ZNF503: variants seen among roughly 807,000 people sequenced by gnomAD.
ZNF503 encodes zinc finger protein 503.
ZNF503 carries 15 observed loss-of-function variants against 34.4 expected under a neutral mutation model. That is an observed-to-expected ratio of 0.44 (90% CI 0.29 to 0.67). ZNF503 has a LOEUF of 0.67. ZNF503 is among the 30% of genes least tolerant of loss of function. ZNF503 has a pLI of 0.13. For missense variants in ZNF503, 1,007 were observed against 926.8 expected (o/e 1.09, Z -1.12); for synonymous variants, 580 against 456.8 (o/e 1.27, Z -3.44).
the ZNF503 span, among the ~76,000 whole-genome samples, chr10:75,378,343 G>A: frequency 6.6e-6 from 1 of 152,100 alleles, no homozygotes; most frequent in Non-Finnish European, 1.5e-5. Context: ...CCATCAGAAG[G>A]ATGGCTGGGC....
At chr10:75,313,132 T>A in the ZNF503 span, among the ~76,000 whole-genome samples, 3 of 152,172 alleles carry the variant, frequency 2.0e-5, no homozygotes, top group Non-Finnish European at 4.4e-5. Context: ...ATTCGCAGCA[T>A]GAGAACAGAC....
the ZNF503 span, among the ~76,000 whole-genome samples, chr10:75,288,929 G>A: frequency 6.6e-6 from 1 of 152,284 alleles, no homozygotes; most frequent in Admixed American, 6.5e-5. Context: ...CTTGGTTGAG[G>A]GGGGCTGATC....
At chr10:75,339,870 G>A in the ZNF503 span, among the ~76,000 whole-genome samples, 1 of 151,864 alleles carries the variant, frequency 6.6e-6, no homozygotes, top group Non-Finnish European at 1.5e-5. Context: ...TGTTTTTCTG[G>A]GCCACCTCTC....
chr10:75,380,600 G>A, the ZNF503 span, among the ~76,000 whole-genome samples: 3 of 152,320 alleles, frequency 2.0e-5, no homozygotes, highest in South Asian at 6.2e-4. Context: ...CTGAGGCCAG[G>A]TCTTGAGTGG....
the ZNF503 span, among the ~76,000 whole-genome samples, chr10:75,284,684 G>A: frequency 6.6e-6 from 1 of 152,104 alleles, no homozygotes; most frequent in African/African-American, 2.4e-5. Context: ...CAAGCTGATG[G>A]TCTCACCACC....
chr10:75,301,170 G>T, the ZNF503 span, among the ~76,000 whole-genome samples: 1 of 152,086 alleles, frequency 6.6e-6, no homozygotes, highest in East Asian at 1.9e-4. Flanking sequence ...GACAATCTCT[G>T]CCTTTTGAAT....
the ZNF503 span, among the ~76,000 whole-genome samples, chr10:75,357,140 A>ATGGT: frequency 2.0e-5 from 3 of 151,932 alleles, no homozygotes; most frequent in African/African-American, 7.3e-5. Flanking sequence ...GCACAGGAGC[A>ATGGT]TGGTTTGTAT....
At chr10:75,305,304 T>G in the ZNF503 span, among the ~76,000 whole-genome samples, 1 of 152,098 alleles carries the variant, frequency 6.6e-6, no homozygotes, top group African/African-American at 2.4e-5. Flanking sequence ...CCAAGTTGTA[T>G]GGAATAAGAA....
At chr10:75,307,641 C>G in the ZNF503 span, among the ~76,000 whole-genome samples, 1 of 152,222 alleles carries the variant, frequency 6.6e-6, no homozygotes, top group African/African-American at 2.4e-5. Flanking sequence ...TCATTTAGGA[C>G]TTTCATAGAT....
At chr10:75,394,774 G>A (rs1843678542), downstream of ZNF503, among the ~76,000 whole-genome samples, 1 of 152,226 alleles carries the variant, frequency 6.6e-6, no homozygotes, top group Non-Finnish European at 1.5e-5. Flanking sequence ...GAGTGCGTGT[G>A]TTGACAGGCA....
the ZNF503 span, among the ~76,000 whole-genome samples, chr10:75,370,831 A>C: frequency 2.1e-5 from 3 of 145,288 alleles, no homozygotes; most frequent in Admixed American, 2.1e-4. Flanking sequence ...CCATTGTTTT[A>C]CAGTGAGATA....
At chr10:75,286,669 T>C in the ZNF503 span, among the ~76,000 whole-genome samples, 27 of 152,338 alleles carry the variant, frequency 1.8e-4, no homozygotes, top group South Asian at 5.4e-3. Flanking sequence ...GGGAAGAGAC[T>C]TGGTGCATGA....
chr10:75,364,318 C>T, the ZNF503 span, among the ~76,000 whole-genome samples: 5 of 152,322 alleles, frequency 3.3e-5, no homozygotes, highest in East Asian at 9.6e-4. Flanking sequence ...CACACTCCCA[C>T]CCAAAGCCTG....
the ZNF503 span, among the ~76,000 whole-genome samples, chr10:75,318,777 T>C: frequency 1.1e-4 from 16 of 149,762 alleles, no homozygotes; most frequent in African/African-American, 1.7e-4. Context: ...CTGAAGAAAA[T>C]TGGAACATTG....
the ZNF503 span, among the ~76,000 whole-genome samples, chr10:75,304,593 T>C: frequency 6.6e-6 from 1 of 152,222 alleles, no homozygotes; most frequent in African/African-American, 2.4e-5. Context: ...CTAAACCTGC[T>C]TATGTCAATT....
At position 75,399,297 on chromosome 10, in the gene ZNF503, C is replaced by T. The variant is rs1239892601; in HGVS notation, c.1393G>A (p.Gly465Arg). The change falls in exon 2 of 2, where the codon GGA (glycine) becomes AGA (arginine). Residue 465 changes from glycine (G) to arginine (R), a missense_variant. Coordinates refer to ENST00000372524, the MANE Select transcript of ZNF503 (RefSeq NM_032772.6). ...TGCGTGGGGTACACCAGCGGGTATC[C>T]GGACTTCAGCGCCGCAGCCGCAGCA... ...PAAAAAALKS[G>R]YPLVYPTHPL... The T allele has an allele frequency of 1.2e-6, 2 of 1,600,962 alleles. No homozygotes were observed. The highest frequency in any genetic ancestry group is 1.7e-6 in the Non-Finnish European group (2 of 1,175,252).
At chr10:75,334,789 G>A in the ZNF503 span, among the ~76,000 whole-genome samples, 1 of 152,226 alleles carries the variant, frequency 6.6e-6, no homozygotes. Flanking sequence ...CCAGGAGACT[G>A]CTGAAATCTC....
At position 75,401,354 on chromosome 10, in the gene ZNF503, T is replaced by TCCGCCTCCGCCTCCG. The variant is rs1554886735; in HGVS notation, c.65_66insCGGAGGCGGAGGCGG (p.Gly23_Gly27dup). On this transcript the variant is annotated inframe_insertion, in exon 1 of 2. Transcript: ENST00000372524. ...CAGGGTCTGCACCGCCGCCTCCGCC[T>TCCGCCTCCGCCTCCG]CCGCCGCCGCCGCCGCCGCTGTGCT... 1.6e-5 allele frequency: 25 copies of TCCGCCTCCGCCTCCG among 1,516,744 alleles called. No individual in the cohort carries two copies. The highest frequency in any genetic ancestry group is 2.1e-5 in the Non-Finnish European group (24 of 1,145,010). 94.0% of individuals were successfully genotyped at this position (1,516,744 alleles called of 1,614,324 possible).
chr10:75,339,811 A>G, the ZNF503 span, among the ~76,000 whole-genome samples: 344 of 152,148 alleles, frequency 2.3e-3, 1 homozygote, highest in South Asian at 5.2e-3. Flanking sequence ...TTGCCAACCA[A>G]CCATTGATTC....
Sources: gnomAD v4.1 joint callset for allele counts (sites outside exome capture counted in the v4.1 genomes callset) on GRCh38, gnomAD v4.1.1 for gene constraint, MANE v1.5 for transcripts, NCBI Gene and HGNC (gene_info 2026-07-23, HGNC 2026-07-21) for gene names.